CPQ: variants seen among roughly 807,000 people sequenced by gnomAD.
CPQ encodes Ser-Met dipeptidase.
CPQ carries 37 observed loss-of-function variants against 45.7 expected under a neutral mutation model. The observed-to-expected ratio is 0.81, with a 90% CI of 0.62 to 1.07. The LOEUF (loss-of-function observed/expected upper bound fraction) is 1.07, where lower values mean the gene tolerates loss of function less well. Ranked by LOEUF, CPQ falls within the 50% of genes least tolerant of loss-of-function variation. The pLI is 0.00. For synonymous variants in CPQ, 186 were observed against 205.8 expected (o/e 0.90, Z 0.82); for missense variants, 537 against 572.9 (o/e 0.94, Z 0.64).
At chr8:96,799,322 T>C (rs531646831) in intron 2 of CPQ, among the ~76,000 whole-genome samples, 8 of 152,228 alleles carry the variant, frequency 5.3e-5, no homozygotes, top group Non-Finnish European at 1.2e-4. Flanking sequence ...AAGAAGGCTT[T>C]CTATAGCCAA....
chr8:96,784,969 C>T lies in CPQ; in HGVS notation c.72C>T (p.Cys24=), dbSNP rs761812940. The part of the protein sequence containing the change: ...LLSLCSGKAI[C]KNGISKRTFE... ...CCCTGTGCTCTGGGAAAGCTATATG[C>T]AAGAATGGCATCTCTAAGAGGACTT... The change falls in exon 2 of 8, where the codon TGC becomes TGT. Residue 24 remains cysteine, a synonymous_variant. Transcript: ENST00000220763. 6 of 1,613,430 alleles carry T rather than the reference C, an allele frequency of 3.7e-6. No individual in the cohort carries two copies. Among genetic ancestry groups the T allele is most frequent in the Non-Finnish European group, 5.1e-6 (6 of 1,179,728 alleles).
intron 5 of CPQ, among the ~76,000 whole-genome samples, chr8:97,027,733 A>G (rs144002484): frequency 1.3e-5 from 2 of 152,316 alleles, no homozygotes; most frequent in African/African-American, 2.4e-5. Flanking sequence ...GCATTTATTT[A>G]TTCCTTCATT....
chr8:96,981,182 G>T (rs1194797116), intron 5 of CPQ, among the ~76,000 whole-genome samples: 1 of 152,058 alleles, frequency 6.6e-6, no homozygotes, highest in Non-Finnish European at 1.5e-5. Flanking sequence ...TTTTAATATA[G>T]TCACAACACC....
At chr8:97,067,212 C>T (rs553774489) in intron 7 of CPQ, among the ~76,000 whole-genome samples, 27 of 152,166 alleles carry the variant, frequency 1.8e-4, no homozygotes, top group Non-Finnish European at 2.6e-4. Flanking sequence ...TAGGCATGAG[C>T]GACCATGCCT....
At chr8:96,711,526 T>A (rs1417472907) in intron 1 of CPQ, among the ~76,000 whole-genome samples, 1 of 152,128 alleles carries the variant, frequency 6.6e-6, no homozygotes, top group Admixed American at 6.5e-5. Flanking sequence ...TGGGGAGGCC[T>A]CAGGAAGCTT....
At chr8:97,010,399 T>C (rs1451646450) in intron 5 of CPQ, among the ~76,000 whole-genome samples, 1 of 152,238 alleles carries the variant, frequency 6.6e-6, no homozygotes, top group Non-Finnish European at 1.5e-5. Context: ...GCTTACATTC[T>C]TTTAACTTTT....
chr8:97,089,444 A>T (rs1676481367), intron 7 of CPQ, among the ~76,000 whole-genome samples: 1 of 152,144 alleles, frequency 6.6e-6, no homozygotes. Flanking sequence ...CTTCGAGACC[A>T]GAGCTACAGC....
chr8:97,062,661 T>G (rs11784420), intron 6 of CPQ, among the ~76,000 whole-genome samples: 5 of 152,128 alleles, frequency 3.3e-5, no homozygotes, highest in Admixed American at 6.6e-5. Context: ...GTGTGTGTTG[T>G]TCCTCTCTAT....
At chr8:96,823,914 T>C (rs1379502363) in intron 2 of CPQ, among the ~76,000 whole-genome samples, 2 of 152,036 alleles carry the variant, frequency 1.3e-5, no homozygotes, top group African/African-American at 4.8e-5. Flanking sequence ...TTACTTTAAC[T>C]TTTGTTCTAG....
In CPQ at chr8:96,900,490, C is replaced by T. The variant is rs528937916; in HGVS notation, c.849+20485C>T. 1.7e-3 allele frequency among the ~76,000 whole-genome samples: 266 copies of T among 152,130 alleles called. 1 individual carries two copies. The highest frequency in any genetic ancestry group is 6.0e-3 in the African/African-American group (248 of 41,512). On this transcript the variant is annotated intron_variant, in intron 4 of 7. Coordinates refer to ENST00000220763, the MANE Select transcript of CPQ (RefSeq NM_016134.4). ...ATAGATGGGATATATAGGCAGAGAT[C>T]GATAGATAGTTGTTTGTACATTGGT...
chr8:96,696,736 G>A (rs1402727118), intron 1 of CPQ, among the ~76,000 whole-genome samples: 1 of 151,808 alleles, frequency 6.6e-6, no homozygotes, highest in Admixed American at 6.6e-5. Flanking sequence ...GCTGTGATGA[G>A]CAAATATGTG....
At chr8:97,006,906 A>G (rs184824331) in intron 5 of CPQ, among the ~76,000 whole-genome samples, 12 of 152,312 alleles carry the variant, frequency 7.9e-5, no homozygotes, top group African/African-American at 2.9e-4. Flanking sequence ...TTTCAACTAA[A>G]TGGAGTACAT....
intron 3 of CPQ, among the ~76,000 whole-genome samples, chr8:96,876,813 C>G (rs894480568): frequency 6.6e-6 from 1 of 151,918 alleles, no homozygotes; most frequent in Non-Finnish European, 1.5e-5. Context: ...TTATATGTTG[C>G]CGGTTCTCTT....
intron 2 of CPQ, among the ~76,000 whole-genome samples, chr8:96,805,148 T>G (rs1005113978): frequency 2.6e-5 from 4 of 152,198 alleles, no homozygotes; most frequent in African/African-American, 7.2e-5. Context: ...AAAAGCAATG[T>G]GCTTAGAATG....
intron 4 of CPQ, among the ~76,000 whole-genome samples, chr8:96,950,245 A>C (rs1255782634): frequency 6.6e-6 from 1 of 152,148 alleles, no homozygotes; most frequent in Non-Finnish European, 1.5e-5. Flanking sequence ...AAAATTGTAA[A>C]GGTCAGGGGA....
intron 4 of CPQ, among the ~76,000 whole-genome samples, chr8:96,926,623 C>CTTCTTCT (rs1554578093): frequency 7.9e-6 from 1 of 125,968 alleles, no homozygotes; most frequent in African/African-American, 3.4e-5. Context: ...TCTTCTTCTT[C>CTTCTTCT]TCCTCCTTCT....
At chr8:96,952,776 A>G (rs1666690306) in intron 4 of CPQ, among the ~76,000 whole-genome samples, 1 of 152,152 alleles carries the variant, frequency 6.6e-6, no homozygotes, top group South Asian at 2.1e-4. Context: ...AATTTTGTGG[A>G]ACTTTCCATC....
At chr8:97,099,620 C>A (rs1291483938) in intron 7 of CPQ, among the ~76,000 whole-genome samples, 2 of 151,608 alleles carry the variant, frequency 1.3e-5, no homozygotes, top group African/African-American at 4.9e-5. Flanking sequence ...TATTGTAGAG[C>A]AAAGCAGCTC....
intron 2 of CPQ, among the ~76,000 whole-genome samples, chr8:96,825,393 G>A (rs745319459): frequency 1.3e-5 from 2 of 151,932 alleles, no homozygotes; most frequent in Non-Finnish European, 2.9e-5. Flanking sequence ...GTTTGGAGTC[G>A]GTCTGACCTG....
Sources: allele counts gnomAD v4.1 joint callset (sites outside exome capture counted in the v4.1 genomes callset), GRCh38; gene constraint gnomAD v4.1.1; transcripts MANE v1.5; gene names NCBI Gene and HGNC (gene_info 2026-07-23, HGNC 2026-07-21).